The following RBFOX1 variants were observed in gnomAD, a reference collection of about 807,000 sequenced individuals.
RBFOX1 encodes the protein RNA binding protein fox-1 homolog 1.
A neutral mutation model predicts 57.7 loss-of-function variants in RBFOX1; 8 were observed. The ratio of observed to expected loss-of-function variants is 0.14; its 90% CI spans 0.08 to 0.25. The LOEUF (loss-of-function observed/expected upper bound fraction) is 0.25, where lower values mean the gene tolerates loss of function less well. Ranked by LOEUF, RBFOX1 falls within the 10% of genes least tolerant of loss-of-function variation. RBFOX1 has a pLI of 1.00. For missense variants in RBFOX1, 611 were observed against 548.5 expected (o/e 1.11, Z -1.14); for synonymous variants, 326 against 222.4 (o/e 1.47, Z -4.15).
chr16:5,635,772 C>A (rs748988384), intron 3 of RBFOX1, among the ~76,000 whole-genome samples: 2 of 151,810 alleles, frequency 1.3e-5, no homozygotes, highest in Non-Finnish European at 2.9e-5. Flanking sequence ...CAAGCCAGAG[C>A]AGGACTCAGA....
chr16:5,277,080 G>A (rs1278934790), intron 1 of RBFOX1, among the ~76,000 whole-genome samples: 2 of 151,952 alleles, frequency 1.3e-5, no homozygotes, highest in African/African-American at 2.4e-5. Context: ...AAGAAAATGT[G>A]TTTTTTATAT....
chr16:7,270,841 C>G (rs979264703), intron 4 of RBFOX1, among the ~76,000 whole-genome samples: 5 of 152,158 alleles, frequency 3.3e-5, no homozygotes, highest in African/African-American at 1.2e-4. Context: ...AGCCAACTCT[C>G]TAAAACTTTT....
intron 3 of RBFOX1, among the ~76,000 whole-genome samples, chr16:5,781,378 G>C (rs900690821): frequency 1.3e-5 from 2 of 152,156 alleles, no homozygotes; most frequent in East Asian, 3.9e-4. Context: ...ATTGCTATTA[G>C]AGGTTTGGAT....
At chr16:7,389,250 T>C (rs1339367142) in intron 4 of RBFOX1, among the ~76,000 whole-genome samples, 1 of 152,108 alleles carries the variant, frequency 6.6e-6, no homozygotes, top group Admixed American at 6.6e-5. Flanking sequence ...CTCAGCCTCC[T>C]GAATAGCTGG....
At chr16:6,700,249 C>T (rs9888902) in intron 3 of RBFOX1, among the ~76,000 whole-genome samples, 20,377 of 152,032 alleles carry the variant, frequency 0.13, 2,029 homozygotes, top group African/African-American at 0.28. Flanking sequence ...GATCTCAGGG[C>T]TTCCTCTCAA....
chr16:7,249,756 C>T (rs896851561), intron 4 of RBFOX1, among the ~76,000 whole-genome samples: 8 of 152,000 alleles, frequency 5.3e-5, no homozygotes, highest in Non-Finnish European at 7.4e-5. Context: ...CATAACAAAC[C>T]GACAGTGATG....
At chr16:5,783,829 C>G (rs910774369) in intron 3 of RBFOX1, among the ~76,000 whole-genome samples, 43 of 152,238 alleles carry the variant, frequency 2.8e-4, no homozygotes, top group African/African-American at 9.9e-4. Context: ...TATTTTGGCT[C>G]TGTGTCTTGG....
chr16:5,456,822 C>G (rs1202509812), intron 1 of RBFOX1, among the ~76,000 whole-genome samples: 2 of 152,126 alleles, frequency 1.3e-5, no homozygotes, highest in Non-Finnish European at 2.9e-5. Flanking sequence ...AACACCTAAC[C>G]CCTTTCACAT....
At chr16:5,360,492 A>G (rs2065516141) in intron 1 of RBFOX1, among the ~76,000 whole-genome samples, 1 of 152,164 alleles carries the variant, frequency 6.6e-6, no homozygotes, top group African/African-American at 2.4e-5. Context: ...AGGTAATGGG[A>G]GAGAGTGCAC....
At chr16:7,619,687 G>T (rs573212573) in intron 10 of RBFOX1, among the ~76,000 whole-genome samples, 5 of 152,298 alleles carry the variant, frequency 3.3e-5, no homozygotes, top group Admixed American at 2.6e-4. Flanking sequence ...AAGAAGATAA[G>T]AAGAGAGTAT....
chr16:6,160,197 A>T (rs2096867847), intron 1 of RBFOX1, among the ~76,000 whole-genome samples: 1 of 152,316 alleles, frequency 6.6e-6, no homozygotes, highest in Non-Finnish European at 1.5e-5. Flanking sequence ...GAACAATTGT[A>T]ATAGGAGTGC....
intron 1 of RBFOX1, among the ~76,000 whole-genome samples, chr16:6,095,368 A>C (rs1191668492): frequency 1.3e-5 from 2 of 151,792 alleles, no homozygotes; most frequent in Non-Finnish European, 2.9e-5. Flanking sequence ...AGCTCATGAA[A>C]CTCCAACACC....
At chr16:5,712,711 C>T (rs118021877) in intron 3 of RBFOX1, among the ~76,000 whole-genome samples, 1,888 of 152,292 alleles carry the variant, frequency 0.012, 16 homozygotes, top group South Asian at 0.022. Context: ...TTAACAGAGT[C>T]CAGATTTTAA....
At chr16:6,961,387 C>T (rs1264074617) in intron 3 of RBFOX1, among the ~76,000 whole-genome samples, 1 of 152,152 alleles carries the variant, frequency 6.6e-6, no homozygotes, top group African/African-American at 2.4e-5. Flanking sequence ...CCCAGCGCTG[C>T]TATAGCAAAT....
chr16:7,490,987 G>C (rs2066788093), intron 4 of RBFOX1, among the ~76,000 whole-genome samples: 1 of 151,974 alleles, frequency 6.6e-6, no homozygotes, highest in South Asian at 2.1e-4. Context: ...CTTCATCATA[G>C]CACCCTTGGA....
At chr16:6,486,966 G>C (rs370708459) in intron 2 of RBFOX1, among the ~76,000 whole-genome samples, 13 of 152,124 alleles carry the variant, frequency 8.5e-5, no homozygotes, top group African/African-American at 3.1e-4. Flanking sequence ...ACGGCACCAA[G>C]AGAAAGATAA....
At chr16:5,271,548 G>A (rs185250682) in intron 1 of RBFOX1, among the ~76,000 whole-genome samples, 591 of 152,346 alleles carry the variant, frequency 3.9e-3, no homozygotes, top group African/African-American at 0.013. Flanking sequence ...TGGCGACGCA[G>A]GTTCAAGCTT....
At chr16:7,481,204 T>C (rs2063854176) in intron 4 of RBFOX1, among the ~76,000 whole-genome samples, 1 of 152,058 alleles carries the variant, frequency 6.6e-6, no homozygotes, top group African/African-American at 2.4e-5. Context: ...TGGAACAGAG[T>C]AAGGACTCAG....
chr16:6,967,625 C>T (rs1181700658), intron 3 of RBFOX1, among the ~76,000 whole-genome samples: 2 of 152,190 alleles, frequency 1.3e-5, no homozygotes, highest in East Asian at 1.9e-4. Context: ...CAGTACACTT[C>T]GCTGTTGAAC....
Sources: allele counts gnomAD v4.1 joint callset (sites outside exome capture counted in the v4.1 genomes callset), GRCh38; gene constraint gnomAD v4.1.1; transcripts MANE v1.5; gene names NCBI Gene and HGNC (gene_info 2026-07-23, HGNC 2026-07-21).